The following CACNA1A variants were observed in gnomAD, a reference collection of about 807,000 sequenced individuals.
The protein encoded by CACNA1A is calcium voltage-gated channel subunit alpha1 A.
Under a neutral mutation model 262.4 loss-of-function variants are expected in CACNA1A, and 57 were observed. The ratio of observed to expected loss-of-function variants is 0.22; its 90% confidence interval spans 0.18 to 0.27. The LOEUF is 0.27. CACNA1A is among the 10% of genes least tolerant of loss of function. The probability of loss-of-function intolerance (pLI) is 1.00; values close to 1 mark genes in which losing one functional copy is unlikely to be tolerated. For synonymous variants in CACNA1A, 1,431 were observed against 1,419.3 expected (o/e 1.01, Z -0.18); for missense variants, 2,526 against 3,562.8 (o/e 0.71, Z 7.41).
intron 1 of CACNA1A, among the ~76,000 whole-genome samples, chr19:13,460,963 G>A (rs1029426357): frequency 2.0e-5 from 3 of 152,126 alleles, no homozygotes; most frequent in African/African-American, 4.8e-5. Flanking sequence ...CTCTATGCAC[G>A]TGGGGATTTT....
chr19:13,237,152 T>G (rs2055905263), intron 31 of CACNA1A, among the ~76,000 whole-genome samples: 1 of 152,052 alleles, frequency 6.6e-6, no homozygotes. Context: ...GGCACTTGCT[T>G]TCCTGGTTGA....
intron 1 of CACNA1A, among the ~76,000 whole-genome samples, chr19:13,479,496 G>A (rs1406443895): frequency 6.6e-6 from 1 of 151,698 alleles, no homozygotes; most frequent in Non-Finnish European, 1.5e-5. Flanking sequence ...GGTGAGTGAG[G>A]CCAGAGATGC....
intron 3 of CACNA1A, among the ~76,000 whole-genome samples, chr19:13,402,871 C>CAT (rs1483072251): frequency 9.8e-4 from 63 of 64,158 alleles, no homozygotes; most frequent in African/African-American, 2.5e-3. Context: ...CACACACACA[C>CAT]ACATATATAT....
rs747273411 is a variant in CACNA1A at position 13,214,529 on chromosome 19, C to T, written c.5811G>A (p.Thr1937=). ...TGTGAGGTGTGACCAGCAGGTCTAG[C>T]GTCTTCTGGGACAGATTGGGCCAAA... ...MAIWPNLSQK[T]LDLLVTPHKS... The change falls in exon 39 of 47, where the codon ACG becomes ACA. Residue 1937 remains threonine (T), a synonymous_variant. Coordinates refer to ENST00000360228, the MANE Select transcript of CACNA1A (RefSeq NM_001127222.2). The surrounding 1 kb of genome is among the most constrained non-coding windows in gnomAD (Gnocchi z 4.1). 5.6e-6 allele frequency: 9 copies of T among 1,613,598 alleles called. No individual in the cohort carries two copies. The highest frequency in any genetic ancestry group is 1.7e-5 in the Admixed American group (1 of 59,998).
At position 13,290,696 on chromosome 19, in the gene CACNA1A, A is replaced by C. The variant is rs1338411653; in HGVS notation, c.3090-3730T>G. Among the ~76,000 whole-genome samples, 5 of 152,140 alleles carry C rather than the reference A, an allele frequency of 3.3e-5. No individual in the cohort carries two copies. The South Asian group carries it at 8.3e-4, about 25-fold the overall frequency. ...CCAAAGTGCTGGGATTACAGGTGTG[A>C]GCCACCACGCCTGGCCCTGTGTATG... On this transcript the variant is annotated intron_variant, in intron 19 of 46. Coordinates refer to ENST00000360228, the MANE Select transcript of CACNA1A (RefSeq NM_001127222.2).
chr19:13,499,447 T>TGGGGGGGGG (rs200317630), intron 1 of CACNA1A, among the ~76,000 whole-genome samples: 1 of 87,678 alleles, frequency 1.1e-5, no homozygotes, highest in Non-Finnish European at 2.2e-5. Flanking sequence ...TCGCAGGGGG[T>TGGGGGGGGG]GGTGGGGGGG....
Position 13,214,520 on chromosome 19 carries a change from C to T in CACNA1A, c.5820G>A (p.Leu1940=). ...WPNLSQKTLD[L]LVTPHKSTDL... is the part of the protein sequence containing the mutation. ...TCTTACACTTGTGAGGTGTGACCAGCAGGTCTAGCGTCTTCTGGGACAGAT... is the reference window on the plus strand; with the variant it reads ...TCTTACACTTGTGAGGTGTGACCAGTAGGTCTAGCGTCTTCTGGGACAGAT... Residue 1940 remains leucine, a synonymous_variant, in exon 39 of 47, where the codon CTG becomes CTA. Coordinates refer to ENST00000360228, the MANE Select transcript of CACNA1A (RefSeq NM_001127222.2). This position sits in a 1 kb window ranked among gnomAD's most constrained non-coding sequence, Gnocchi z 4.1. 6.2e-7 allele frequency: 1 copy of T among 1,613,114 alleles called. No individual in the cohort carries two copies. The highest frequency in any genetic ancestry group is 1.1e-5 in the South Asian group (1 of 91,054).
intron 1 of CACNA1A, among the ~76,000 whole-genome samples, chr19:13,463,642 C>T (rs2061166965): frequency 6.6e-6 from 1 of 152,176 alleles, no homozygotes; most frequent in African/African-American, 2.4e-5. Flanking sequence ...ATTTCACATA[C>T]AGGGTAGAGG....
chr19:13,298,840 C>T lies in CACNA1A; in HGVS notation c.2793G>A (p.Arg931=). 1 of 1,582,444 alleles carries T rather than the reference C, an allele frequency of 6.3e-7. No homozygotes were observed. The highest frequency in any genetic ancestry group is 8.5e-7 in the Non-Finnish European group (1 of 1,173,492). ...ERGKAGDPHR[R]HVHRQGGSRE... ...TGCTGCCCCCCTGCCGGTGCACGTG[C>T]CTCCGGTGGGGGTCCCCGGCCTTGC... The change falls in exon 19 of 47, where the codon AGG becomes AGA. Residue 931 remains arginine (R), a synonymous_variant. Transcript: ENST00000360228.
intron 24 of CACNA1A, among the ~76,000 whole-genome samples, chr19:13,267,419 C>A (rs1420716021): frequency 1.3e-5 from 2 of 152,266 alleles, no homozygotes. Flanking sequence ...CCTGGCACTG[C>A]CCAAGAAAGC....
intron 1 of CACNA1A, among the ~76,000 whole-genome samples, chr19:13,486,756 C>CT (rs1449173385): frequency 1.3e-5 from 2 of 152,212 alleles, no homozygotes; most frequent in East Asian, 3.9e-4. Context: ...GTCTCTCTCT[C>CT]TTTTCCCTCA....
At chr19:13,239,654 G>C (rs2056002273) in intron 31 of CACNA1A, among the ~76,000 whole-genome samples, 4 of 152,194 alleles carry the variant, frequency 2.6e-5, no homozygotes, top group Admixed American at 2.6e-4. Context: ...GTGGGTAGGA[G>C]AGGGGCAGAG....
intron 38 of CACNA1A, among the ~76,000 whole-genome samples, chr19:13,220,333 A>G (rs2055176359): frequency 6.6e-6 from 1 of 152,140 alleles, no homozygotes; most frequent in Non-Finnish European, 1.5e-5. Flanking sequence ...TGCCCCAATC[A>G]GGTGAGCCCT....
At chr19:13,267,229 G>GT (rs1600208406) in intron 24 of CACNA1A, among the ~76,000 whole-genome samples, 1 of 152,178 alleles carries the variant, frequency 6.6e-6, no homozygotes, top group African/African-American at 2.4e-5. Context: ...GAGACAGATC[G>GT]TAAGTGGCCT....
chr19:13,490,668 GAA>G (rs869043976), intron 1 of CACNA1A, among the ~76,000 whole-genome samples: 2 of 130,294 alleles, frequency 1.5e-5, no homozygotes, highest in Non-Finnish European at 3.2e-5. Context: ...AAGAAGGAAA[GAA>G]AGAGAGAGAG....
intron 1 of CACNA1A, among the ~76,000 whole-genome samples, chr19:13,486,394 GTC>G (rs150007642): frequency 0.7 from 105,115 of 150,822 alleles, 37,434 homozygotes; most frequent in African/African-American, 0.87. Flanking sequence ...CTGTCTGTCT[GTC>G]TCTCTCTCTC....
chr19:13,337,914 T>C (rs571276641), intron 6 of CACNA1A, among the ~76,000 whole-genome samples: 40 of 152,124 alleles, frequency 2.6e-4, no homozygotes, highest in Non-Finnish European at 5.4e-4. Flanking sequence ...AACTCTATAG[T>C]GTATCTAAAA....
chr19:13,252,913 G>A (rs1236212280), intron 30 of CACNA1A, 78 bp downstream of exon 30: 1 of 941,026 alleles, frequency 1.1e-6, no homozygotes, highest in Non-Finnish European at 1.7e-6. Context: ...GCCACGTTGG[G>A]AGACCATCAT....
intron 24 of CACNA1A, chr19:13,273,630 T>TA (rs2057076708): frequency 6.6e-6 from 1 of 151,036 alleles, no homozygotes. Flanking sequence ...ATTTACTTTT[T>TA]AACCTACAGA....
Sources: allele counts gnomAD v4.1 joint callset (sites outside exome capture counted in the v4.1 genomes callset), GRCh38; gene constraint gnomAD v4.1.1; non-coding constraint Gnocchi (gnomAD v3.1); transcripts MANE v1.5; gene names NCBI Gene and HGNC (gene_info 2026-07-23, HGNC 2026-07-21).